PLCB1: variants seen among roughly 807,000 people sequenced by gnomAD.
PLCB1 encodes the protein phospholipase C beta 1.
A neutral mutation model predicts 161.8 loss-of-function variants in PLCB1; 46 were observed. The ratio of observed to expected loss-of-function variants is 0.28; its 90% CI spans 0.22 to 0.36. The LOEUF (loss-of-function observed/expected upper bound fraction) is 0.36. Among genes scored for constraint, PLCB1 ranks in the 10% least tolerant of loss-of-function variants. PLCB1 has a pLI of 1.00. For synonymous variants in PLCB1, 517 were observed against 503.7 expected (o/e 1.03, Z -0.35); for missense variants, 1,016 against 1,472.5 (o/e 0.69, Z 5.07).
At position 8,221,400 on chromosome 20, in the gene PLCB1, AC is replaced by A. The variant is rs1217175619; in HGVS notation, c.177+71030del. On this transcript the variant is annotated intron_variant, in intron 2 of 31. Coordinates refer to ENST00000338037, the MANE Select transcript of PLCB1 (RefSeq NM_015192.4). ...ATTTTTTTTATATATCTTTTAAGTA[AC>A]TGCAACTTTTGGGCACTGTTTAATA... Among the ~76,000 whole-genome samples, 5 of 152,262 alleles carry A rather than the reference AC, an allele frequency of 3.3e-5. No individual in the cohort carries two copies. In the East Asian group the frequency reaches 5.8e-4, roughly 18 times the overall value.
rs190105664 is a variant in PLCB1, at chr20:8,755,056, C to G, written c.2524-1990C>G. Among the ~76,000 whole-genome samples, 339 of 152,262 alleles carry G rather than the reference C, an allele frequency of 2.2e-3. 2 individuals are homozygous for G. Among genetic ancestry groups the G allele is most frequent in the Admixed American group, 0.02 (300 of 15,294 alleles). ...CCATAGTGAGCTATACAGGCTGCCC[C>G]GGTTACTTGTTTAGTCTCCTGTCTC... On this transcript the variant is annotated intron_variant, in intron 23 of 31. Transcript: ENST00000338037.
chr20:8,238,319 C>T (rs1980429818), intron 2 of PLCB1, among the ~76,000 whole-genome samples: 1 of 151,968 alleles, frequency 6.6e-6, no homozygotes, highest in South Asian at 2.1e-4. Flanking sequence ...TGAGGTGATA[C>T]TCATATAGGA....
intron 9 of PLCB1, among the ~76,000 whole-genome samples, chr20:8,666,004 A>G (rs1568552829): frequency 6.6e-6 from 1 of 152,026 alleles, no homozygotes; most frequent in Non-Finnish European, 1.5e-5. Context: ...ACACTTGGCA[A>G]CTCTTCAGGG....
intron 16 of PLCB1, among the ~76,000 whole-genome samples, chr20:8,726,658 A>T (rs987323070): frequency 2.0e-5 from 3 of 151,968 alleles, no homozygotes; most frequent in Non-Finnish European, 4.4e-5. Flanking sequence ...CCATAATTCA[A>T]TTACCCCCAC....
chr20:8,688,124 T>C (rs529327081), intron 10 of PLCB1, among the ~76,000 whole-genome samples: 11 of 152,244 alleles, frequency 7.2e-5, no homozygotes, highest in Non-Finnish European at 1.5e-4. Flanking sequence ...GTTGGTCATT[T>C]GTACATCTTC....
intron 3 of PLCB1, among the ~76,000 whole-genome samples, chr20:8,455,682 C>G (rs1981284582): frequency 6.6e-6 from 1 of 151,978 alleles, no homozygotes. Flanking sequence ...CTGCACCCAC[C>G]TCTTAGTAGA....
At chr20:8,383,406 T>C (rs1987324838) in intron 3 of PLCB1, among the ~76,000 whole-genome samples, 1 of 152,232 alleles carries the variant, frequency 6.6e-6, no homozygotes, top group African/African-American at 2.4e-5. Context: ...CCTCCATCAC[T>C]TTATTTTGAG....
At chr20:8,476,443 CAA>C (rs11469913) in intron 3 of PLCB1, among the ~76,000 whole-genome samples, 12,811 of 152,174 alleles carry the variant, frequency 0.084, 725 homozygotes, top group Non-Finnish European at 0.12. Context: ...CTCGCTAAAA[CAA>C]AACAAAAAGA....
chr20:8,364,120 TTGTC>T (rs1053105016), intron 2 of PLCB1, among the ~76,000 whole-genome samples: 6 of 152,180 alleles, frequency 3.9e-5, no homozygotes, highest in South Asian at 2.1e-4. Context: ...TTAAGAGAGA[TTGTC>T]TGGGTTTTTT....
At chr20:8,775,827 G>C (rs1213706636) in intron 27 of PLCB1, among the ~76,000 whole-genome samples, 1 of 152,132 alleles carries the variant, frequency 6.6e-6, no homozygotes, top group African/African-American at 2.4e-5. Flanking sequence ...CTGATCCCAG[G>C]ACCAGACTTC....
intron 31 of PLCB1, among the ~76,000 whole-genome samples, chr20:8,806,964 C>T (rs1273992686): frequency 3.3e-5 from 5 of 152,100 alleles, no homozygotes; most frequent in Non-Finnish European, 5.9e-5. Context: ...TTATGAAAGA[C>T]TTAAGCAGGA....
chr20:8,449,529 C>T (rs1980980099), intron 3 of PLCB1, among the ~76,000 whole-genome samples: 1 of 152,206 alleles, frequency 6.6e-6, no homozygotes, highest in South Asian at 2.1e-4. Flanking sequence ...ATAATATACT[C>T]TACCTAAGGA....
At chr20:8,518,852 C>A (rs1984240335) in intron 3 of PLCB1, among the ~76,000 whole-genome samples, 1 of 151,886 alleles carries the variant, frequency 6.6e-6, no homozygotes, top group Non-Finnish European at 1.5e-5. Context: ...ATGGTCCCAT[C>A]TGGGGGTGAT....
chr20:8,305,512 T>C (rs1984090987), intron 2 of PLCB1, among the ~76,000 whole-genome samples: 1 of 152,186 alleles, frequency 6.6e-6, no homozygotes, highest in South Asian at 2.1e-4. Context: ...GTTCCCATTT[T>C]GCAAACACAC....
rs374601306 is a variant in PLCB1 at position 8,499,877 on chromosome 20, A to G, written c.247-128417A>G. Reference sequence around the variant, plus strand: ...ATTGTTTTCGGTGCAGGGAACACTGATAAATAAACAGGTAATGTTACTGCT... The same window carrying G: ...ATTGTTTTCGGTGCAGGGAACACTGGTAAATAAACAGGTAATGTTACTGCT... On this transcript the variant is annotated intron_variant, in intron 3 of 31. Transcript: ENST00000338037. Among the ~76,000 whole-genome samples the G allele has an allele frequency of 6.6e-5, 10 of 152,096 alleles. 1 individual carries two copies. Among genetic ancestry groups the G allele is most frequent in the African/African-American group, 2.4e-4 (10 of 41,354 alleles).
At chr20:8,455,432 CTTTTTTTTT>C (rs1175763739) in intron 3 of PLCB1, among the ~76,000 whole-genome samples, 50 of 74,174 alleles carry the variant, frequency 6.7e-4, no homozygotes, top group African/African-American at 2.6e-3. Flanking sequence ...TATTCTTCCT[CTTTTTTTTT>C]TTTTTTTTTT....
intron 3 of PLCB1, among the ~76,000 whole-genome samples, chr20:8,622,255 G>GAA (rs564055950): frequency 6.9e-5 from 8 of 116,520 alleles, no homozygotes; most frequent in Admixed American, 2.6e-4. Context: ...TCTGCCTCAG[G>GAA]AAAAAAAAAA....
intron 3 of PLCB1, among the ~76,000 whole-genome samples, chr20:8,469,842 C>T (rs1452889893): frequency 1.1e-4 from 16 of 152,102 alleles, no homozygotes; most frequent in Admixed American, 7.2e-4. Context: ...TCAGCGTATT[C>T]GTAGAGTTAT....
chr20:8,475,761 A>C (rs1982250342), intron 3 of PLCB1, among the ~76,000 whole-genome samples: 2 of 152,224 alleles, frequency 1.3e-5, no homozygotes, highest in Admixed American at 1.3e-4. Flanking sequence ...AAGTAAAGAA[A>C]AACAATAGGA....
Sources: allele counts gnomAD v4.1 joint callset (sites outside exome capture counted in the v4.1 genomes callset), GRCh38; gene constraint gnomAD v4.1.1; transcripts MANE v1.5; gene names NCBI Gene and HGNC (gene_info 2026-07-23, HGNC 2026-07-21).